Variants in NRXN3 observed in about 807,000 individuals in gnomAD.
NRXN3 encodes neurexin 3.
A neutral mutation model predicts 137.6 loss-of-function variants in NRXN3; 32 were observed. That is an observed-to-expected ratio of 0.23 (90% CI 0.18 to 0.31). NRXN3 has a LOEUF of 0.31. Ranked by LOEUF, NRXN3 falls within the 10% of genes least tolerant of loss-of-function variation. The pLI, the probability that NRXN3 is intolerant of heterozygous loss-of-function variation, is 1.00. For synonymous variants in NRXN3, 798 were observed against 784.5 expected (o/e 1.02, Z -0.29); for missense variants, 1,574 against 2,062.5 (o/e 0.76, Z 4.59).
chr14:79,447,805 C>T (rs998604040), intron 15 of NRXN3, among the ~76,000 whole-genome samples: 5 of 152,340 alleles, frequency 3.3e-5, no homozygotes, highest in Middle Eastern at 3.4e-3. Flanking sequence ...TTCAACTTGA[C>T]GTCCTTTATG....
At chr14:78,729,303 C>A (rs2098503039) in intron 8 of NRXN3, among the ~76,000 whole-genome samples, 5 of 152,130 alleles carry the variant, frequency 3.3e-5, no homozygotes, top group Admixed American at 3.3e-4. Flanking sequence ...TTATTCTTTG[C>A]CATTCATTTA....
In NRXN3 at chr14:79,074,929, GT is replaced by G. The variant is rs2045717289; in HGVS notation, c.3262+86789del. Among the ~76,000 whole-genome samples the G allele has an allele frequency of 2.0e-5, 3 of 152,124 alleles. No homozygotes were observed. In the South Asian group the frequency reaches 6.2e-4, roughly 31 times the overall value. ...GCTAAAACACCCAGAATAAGATCAA[GT>G]CCCCCTTGGGCACACTCCAGCCTCT... On this transcript the variant is annotated intron_variant, in intron 15 of 20. Transcript: ENST00000335750.
intron 15 of NRXN3, among the ~76,000 whole-genome samples, chr14:79,053,559 TAAAG>T (rs1176052224): frequency 1.3e-5 from 2 of 152,262 alleles, no homozygotes; most frequent in East Asian, 3.9e-4. Context: ...GTTTTTCAGA[TAAAG>T]AGAGTGTGCG....
At chr14:79,031,617 C>A (rs540837172) in intron 15 of NRXN3, among the ~76,000 whole-genome samples, 1 of 151,990 alleles carries the variant, frequency 6.6e-6, no homozygotes, top group Admixed American at 6.6e-5. Flanking sequence ...AATATACTTG[C>A]GAAACAGATT....
intron 1 of NRXN3, among the ~76,000 whole-genome samples, chr14:78,216,860 T>A (rs2063337620): frequency 6.6e-6 from 1 of 152,164 alleles, no homozygotes; most frequent in Admixed American, 6.5e-5. Flanking sequence ...TTCCTTGGCT[T>A]GTAGTGGCCT....
intron 4 of NRXN3, among the ~76,000 whole-genome samples, chr14:78,465,769 G>A (rs1400217480): frequency 2.6e-5 from 4 of 152,000 alleles, no homozygotes; most frequent in African/African-American, 9.7e-5. Flanking sequence ...TCTTGACCTC[G>A]TGATCTGCCC....
At chr14:79,533,867 G>C (rs754678353) in intron 16 of NRXN3, among the ~76,000 whole-genome samples, 8 of 152,134 alleles carry the variant, frequency 5.3e-5, no homozygotes, top group Non-Finnish European at 1.0e-4. Flanking sequence ...CAGAGCTAAG[G>C]AAACAGCTCA....
chr14:79,060,434 GAAATTAGCC>G (rs1330702825), intron 15 of NRXN3, among the ~76,000 whole-genome samples: 1 of 152,126 alleles, frequency 6.6e-6, no homozygotes, highest in Non-Finnish European at 1.5e-5. Context: ...TATGTACATG[GAAATTAGCC>G]AAATGTCAGG....
intron 4 of NRXN3, among the ~76,000 whole-genome samples, chr14:78,444,941 A>G (rs1402021166): frequency 1.3e-5 from 2 of 151,342 alleles, no homozygotes; most frequent in African/African-American, 4.8e-5. Flanking sequence ...AAAAAAAAAA[A>G]AAAAAAAGGA....
At chr14:78,337,557 G>A (rs529814444) in intron 4 of NRXN3, among the ~76,000 whole-genome samples, 1 of 152,274 alleles carries the variant, frequency 6.6e-6, no homozygotes, top group Non-Finnish European at 1.5e-5. Flanking sequence ...ATCACAGTGA[G>A]GGAACAAGGG....
intron 16 of NRXN3, among the ~76,000 whole-genome samples, chr14:79,563,526 A>C (rs1293796567): frequency 1.3e-5 from 2 of 152,128 alleles, no homozygotes; most frequent in Non-Finnish European, 2.9e-5. Context: ...GAATGTGACC[A>C]TAAAATTGAC....
At chr14:78,203,494 C>T (rs2061866354) in intron 1 of NRXN3, among the ~76,000 whole-genome samples, 1 of 152,092 alleles carries the variant, frequency 6.6e-6, no homozygotes, top group South Asian at 2.1e-4. Context: ...ATGTCACAGG[C>T]TCATTTTCTT....
chr14:78,765,113 T>C (rs1006958867), intron 8 of NRXN3, among the ~76,000 whole-genome samples: 5 of 152,178 alleles, frequency 3.3e-5, no homozygotes, highest in African/African-American at 1.2e-4. Flanking sequence ...ATTTTACCTT[T>C]TCCTGGATTA....
intron 19 of NRXN3, among the ~76,000 whole-genome samples, chr14:79,750,256 CA>C (rs2098993057): frequency 1.3e-5 from 2 of 152,042 alleles, no homozygotes; most frequent in African/African-American, 4.8e-5. Flanking sequence ...AGTGACAAAC[CA>C]GGGAGAAGTA....
intron 4 of NRXN3, among the ~76,000 whole-genome samples, chr14:78,456,490 A>G (rs1485414219): frequency 6.6e-6 from 1 of 152,180 alleles, no homozygotes; most frequent in East Asian, 1.9e-4. Context: ...TTGACTTCAC[A>G]CTTTTAAAAA....
intron 10 of NRXN3, among the ~76,000 whole-genome samples, chr14:78,881,875 A>G (rs1397003886): frequency 6.6e-6 from 1 of 151,600 alleles, no homozygotes; most frequent in African/African-American, 2.4e-5. Context: ...TCTCCAGGGC[A>G]TGTCAGAGAC....
At chr14:78,828,274 A>G (rs1360587697) in intron 10 of NRXN3, among the ~76,000 whole-genome samples, 2 of 152,210 alleles carry the variant, frequency 1.3e-5, no homozygotes, top group African/African-American at 2.4e-5. Flanking sequence ...TGTTGCTTCA[A>G]CTAACAATAT....
chr14:78,589,523 G>A (rs1182560131), intron 4 of NRXN3, among the ~76,000 whole-genome samples: 1 of 152,198 alleles, frequency 6.6e-6, no homozygotes, highest in Non-Finnish European at 1.5e-5. Context: ...AAAGCCTTTA[G>A]TCTTCATGAC....
chr14:78,270,039 A>G (rs1476687773), intron 2 of NRXN3, among the ~76,000 whole-genome samples: 1 of 152,150 alleles, frequency 6.6e-6, no homozygotes, highest in Non-Finnish European at 1.5e-5. Flanking sequence ...CATCAGTCCT[A>G]CCAGGCAAGT....
Sources: gnomAD v4.1 joint callset for allele counts (sites outside exome capture counted in the v4.1 genomes callset) on GRCh38, gnomAD v4.1.1 for gene constraint, MANE v1.5 for transcripts, NCBI Gene and HGNC (gene_info 2026-07-23, HGNC 2026-07-21) for gene names.